The following MEIS2 variants were observed in gnomAD, a reference collection of about 807,000 sequenced individuals.
MEIS2 encodes the protein homeobox protein Meis2.
MEIS2 carries 9 observed loss-of-function variants against 58.6 expected under a neutral mutation model. The observed-to-expected ratio is 0.15, with a 90% CI of 0.09 to 0.27. MEIS2 has a LOEUF of 0.27. Ranked by LOEUF, MEIS2 falls within the 10% of genes least tolerant of loss-of-function variation. MEIS2 has a pLI of 1.00. For missense variants in MEIS2, 427 were observed against 635.0 expected, an observed-to-expected ratio of 0.67 and a Z score of 3.52; for synonymous variants, 221 against 228.4, an observed-to-expected ratio of 0.97 and a Z score of 0.29.
At chr15:36,898,414 G>T (rs1337758734) in intron 9 of MEIS2, 2 of 152,244 alleles carry the variant, frequency 1.3e-5, no homozygotes, top group Non-Finnish European at 2.9e-5. Context: ...TCTTCTCCTT[G>T]AAGTTTCTAA....
At chr15:36,927,648 A>G (rs1473071981) in intron 9 of MEIS2, among the ~76,000 whole-genome samples, 2 of 152,106 alleles carry the variant, frequency 1.3e-5, no homozygotes, top group African/African-American at 2.4e-5. Flanking sequence ...GAAATATGAC[A>G]GTCGGAGGGA....
chr15:37,022,693 G>T (rs2061565126), intron 8 of MEIS2, among the ~76,000 whole-genome samples: 1 of 152,106 alleles, frequency 6.6e-6, no homozygotes, highest in Admixed American at 6.5e-5. Context: ...AGGTTGGAGT[G>T]CAGTGGCGCA....
At chr15:36,952,150 CAAG>C (rs1337936863) in intron 8 of MEIS2, among the ~76,000 whole-genome samples, 2 of 152,046 alleles carry the variant, frequency 1.3e-5, no homozygotes, top group Non-Finnish European at 2.9e-5. Flanking sequence ...ACTGCACAAA[CAAG>C]AAGGATTGCT....
intron 8 of MEIS2, among the ~76,000 whole-genome samples, chr15:36,983,748 T>G (rs190292442): frequency 5.9e-5 from 9 of 152,220 alleles, no homozygotes; most frequent in Middle Eastern, 3.4e-3. Context: ...ATGGACATTT[T>G]AACAATATTA....
chr15:36,938,127 C>G (rs2058242328), intron 9 of MEIS2, among the ~76,000 whole-genome samples: 1 of 152,098 alleles, frequency 6.6e-6, no homozygotes, highest in Admixed American at 6.5e-5. Flanking sequence ...TTCAGGGACC[C>G]TCTAAATCAA....
intron 7 of MEIS2, among the ~76,000 whole-genome samples, chr15:37,039,244 T>C (rs987477881): frequency 6.6e-6 from 1 of 152,244 alleles, no homozygotes; most frequent in African/African-American, 2.4e-5. Flanking sequence ...GCTATCTGAA[T>C]GTACATTTCA....
chr15:37,098,079 G>T lies in MEIS2; in HGVS notation c.133C>A (p.Leu45Ile). 1.2e-6 allele frequency: 2 copies of T among 1,613,824 alleles called. No homozygotes were observed. Among genetic ancestry groups the T allele is most frequent in the South Asian group, 2.2e-5 (2 of 91,014 alleles). ...GCGCCGTAGTGCTGTGTGGCGTGGAGCGGCGGCCCGTGGTTCAGGTGGTGA... is the reference window on the plus strand; with the variant it reads ...GCGCCGTAGTGCTGTGTGGCGTGGATCGGCGGCCCGTGGTTCAGGTGGTGA... The part of the protein sequence containing the change: ...PVHHLNHGPP[L>I]HATQHYGAHA... Residue 45 changes from leucine (L) to isoleucine (I), a missense_variant, in exon 2 of 12, where the codon CTC (leucine) becomes ATC (isoleucine). Around this residue, in one of 6 missense-constraint regions of MEIS2, gnomAD observed 103 missense variants for 111.8 expected, o/e 0.92. Transcript: ENST00000561208.
intron 8 of MEIS2, among the ~76,000 whole-genome samples, chr15:36,963,474 T>C (rs1324319480): frequency 6.6e-6 from 1 of 152,130 alleles, no homozygotes; most frequent in Non-Finnish European, 1.5e-5. Flanking sequence ...AAGTCTGACC[T>C]AGCAGAAACT....
At chr15:36,908,896 G>A (rs1392107796) in intron 9 of MEIS2, among the ~76,000 whole-genome samples, 1 of 151,994 alleles carries the variant, frequency 6.6e-6, no homozygotes, top group African/African-American at 2.4e-5. Context: ...CCGAGATGGC[G>A]CCATTGCACT....
At chr15:36,978,485 C>G (rs923274279) in intron 8 of MEIS2, among the ~76,000 whole-genome samples, 1 of 152,298 alleles carries the variant, frequency 6.6e-6, no homozygotes, top group East Asian at 1.9e-4. Context: ...TTATTGTATC[C>G]TTGCTTCTTA....
At chr15:37,076,331 A>AT (rs575624998) in intron 7 of MEIS2, among the ~76,000 whole-genome samples, 323 of 152,186 alleles carry the variant, frequency 2.1e-3, no homozygotes, top group Non-Finnish European at 3.6e-3. Flanking sequence ...GAAGGGAAAA[A>AT]TAGAACACGT....
At chr15:36,949,908 G>T (rs182030418) in intron 9 of MEIS2, among the ~76,000 whole-genome samples, 1 of 151,786 alleles carries the variant, frequency 6.6e-6, no homozygotes, top group Non-Finnish European at 1.5e-5. Flanking sequence ...CTACATCACC[G>T]CTCAAAGCCA....
intron 9 of MEIS2, chr15:36,900,926 C>T (rs1245648570): frequency 6.6e-6 from 1 of 152,232 alleles, no homozygotes; most frequent in Non-Finnish European, 1.5e-5. Context: ...TCACTAACTT[C>T]ATGCCACACC....
chr15:37,074,115 A>G (rs1891058932), intron 7 of MEIS2, among the ~76,000 whole-genome samples: 1 of 152,004 alleles, frequency 6.6e-6, no homozygotes, highest in Non-Finnish European at 1.5e-5. Context: ...AAGTATAGAA[A>G]ATTCCAACTG....
chr15:36,966,488 G>A (rs551844266), intron 8 of MEIS2, among the ~76,000 whole-genome samples: 1 of 152,176 alleles, frequency 6.6e-6, no homozygotes, highest in South Asian at 2.1e-4. Flanking sequence ...ATCTTGGCTT[G>A]GCAGATTACT....
At chr15:37,051,911 C>CA (rs1407451082) in intron 7 of MEIS2, among the ~76,000 whole-genome samples, 1 of 150,982 alleles carries the variant, frequency 6.6e-6, no homozygotes, top group East Asian at 1.9e-4. Context: ...GCAGATTTTA[C>CA]AAAAAATATC....
chr15:37,091,422 T>C (rs1233253798), intron 6 of MEIS2, among the ~76,000 whole-genome samples: 2 of 152,190 alleles, frequency 1.3e-5, no homozygotes, highest in Admixed American at 6.5e-5. Context: ...AAAAATGTTA[T>C]AGTTCAGATC....
At chr15:37,032,621 A>T (rs770772493) in intron 8 of MEIS2, among the ~76,000 whole-genome samples, 1 of 152,164 alleles carries the variant, frequency 6.6e-6, no homozygotes, top group Admixed American at 6.5e-5. Context: ...TTCAATCATC[A>T]CTGGATTTCT....
intron 8 of MEIS2, among the ~76,000 whole-genome samples, chr15:36,976,886 T>G (rs921569450): frequency 6.6e-6 from 1 of 152,060 alleles, no homozygotes. Context: ...CACTTTGGGA[T>G]GCCAAGGCAG....
Sources: gnomAD v4.1 joint callset for allele counts (sites outside exome capture counted in the v4.1 genomes callset) on GRCh38, gnomAD v4.1.1 for gene constraint, gnomAD v4.1.1 regional missense constraint, MANE v1.5 for transcripts, NCBI Gene and HGNC (gene_info 2026-07-23, HGNC 2026-07-21) for gene names.